The following TTLL9 variants were observed in gnomAD, a reference collection of about 807,000 sequenced individuals.
TTLL9 encodes the protein tubulin tyrosine ligase like 9, also known as probable tubulin polyglutamylase TTLL9.
A neutral mutation model predicts 65.6 loss-of-function variants in TTLL9; 47 were observed. The ratio of observed to expected loss-of-function variants is 0.72; its 90% CI spans 0.57 to 0.91. TTLL9 has a LOEUF of 0.91. Ranked by LOEUF, TTLL9 falls within the 40% of genes least tolerant of loss-of-function variation. TTLL9 has a pLI of 0.00. For synonymous variants in TTLL9, 179 were observed against 204.8 expected, an observed-to-expected ratio of 0.87 and a Z score of 1.07; for missense variants, 537 against 568.8, an observed-to-expected ratio of 0.94 and a Z score of 0.57.
At chr20:31,900,525 A>G (rs1030624295) in intron 4 of TTLL9, among the ~76,000 whole-genome samples, 3 of 152,198 alleles carry the variant, frequency 2.0e-5, no homozygotes, top group African/African-American at 7.2e-5. Context: ...TCATCCCATG[A>G]AAAATTAGGA....
At chr20:31,909,431 T>C (rs2063611034) in intron 5 of TTLL9, among the ~76,000 whole-genome samples, 1 of 152,132 alleles carries the variant, frequency 6.6e-6, no homozygotes, top group Non-Finnish European at 1.5e-5. Flanking sequence ...CGTGAGCCAC[T>C]GCGCCCGGCC....
At chr20:31,876,913 A>G (rs1471428048) in intron 2 of TTLL9, among the ~76,000 whole-genome samples, 1 of 152,056 alleles carries the variant, frequency 6.6e-6, no homozygotes, top group East Asian at 1.9e-4. Flanking sequence ...AAACATTGAC[A>G]TATTTTATTT....
intron 10 of TTLL9, among the ~76,000 whole-genome samples, chr20:31,932,471 C>CAAAAAAAAAA (rs58783829): frequency 3.5e-5 from 3 of 86,472 alleles, no homozygotes; most frequent in African/African-American, 5.6e-5. Context: ...GACCCTGTCT[C>CAAAAAAAAAA]AAAAAAAAAA....
intron 3 of TTLL9, among the ~76,000 whole-genome samples, chr20:31,888,324 A>AT (rs2063229214): frequency 6.6e-6 from 1 of 152,004 alleles, no homozygotes; most frequent in Admixed American, 6.5e-5. Flanking sequence ...CCAACTTCAA[A>AT]TCTCTCACTC....
At chr20:31,873,084 G>A (rs1326351875) in intron 2 of TTLL9, 1 of 506,124 alleles carries the variant, frequency 2.0e-6, no homozygotes, top group East Asian at 5.5e-5. Context: ...GACCCGAGAA[G>A]CTGGAAAGAA....
intron 4 of TTLL9, among the ~76,000 whole-genome samples, chr20:31,907,557 A>G (rs1204074411): frequency 6.6e-6 from 1 of 152,090 alleles, no homozygotes; most frequent in East Asian, 1.9e-4. Flanking sequence ...CCCCATCTCT[A>G]CTAAAAATAA....
At chr20:31,928,320 T>C (rs2063944492) in intron 10 of TTLL9, among the ~76,000 whole-genome samples, 1 of 152,208 alleles carries the variant, frequency 6.6e-6, no homozygotes, top group Admixed American at 6.5e-5. Context: ...TCTTGAAATA[T>C]TAATAGAAAA....
chr20:31,931,105 A>C (rs1374481061), intron 10 of TTLL9, among the ~76,000 whole-genome samples: 1 of 139,194 alleles, frequency 7.2e-6, no homozygotes, highest in Non-Finnish European at 1.5e-5. Context: ...TTCAAGACAG[A>C]GTCTTGCTCT....
At chr20:31,879,393 A>G (rs1484969717) in intron 2 of TTLL9, among the ~76,000 whole-genome samples, 1 of 152,224 alleles carries the variant, frequency 6.6e-6, no homozygotes, top group African/African-American at 2.4e-5. Flanking sequence ...ACAACATCTA[A>G]TGTTGGTGAG....
At chr20:31,925,137 T>A in intron 9 of TTLL9, 88 bp downstream of exon 9, 1 of 1,345,232 alleles carries the variant, frequency 7.4e-7, no homozygotes, top group Non-Finnish European at 1.0e-6. Context: ...TGGGGGTACC[T>A]TGTGTGAGCT....
rs1352666575 is a variant in TTLL9, at chr20:31,938,108, C to T, written c.1118+599C>T. The T allele has an allele frequency of 2.1e-4, 68 of 319,792 alleles. 1 individual carries two copies. The highest frequency in any genetic ancestry group is 4.2e-4 in the Non-Finnish European group (68 of 160,952). 19.8% of individuals were successfully genotyped at this position (319,792 alleles called of 1,614,324 possible). A position where few individuals can be genotyped will look rare whatever the true frequency, so the allele number is the denominator to read the frequency against. ...CCTCCCTCCCTCTCCCTCTCCCTCT[C>T]CCTCCCTCCCTCTCCCTCTCCCTCC... On this transcript the variant is annotated intron_variant, in intron 13 of 14. Coordinates refer to ENST00000535842, the MANE Select transcript of TTLL9 (RefSeq NM_001008409.5).
chr20:31,873,821 G>GAAGAAAGAAAGAAAGAAAGAAAAAGA lies in TTLL9; in HGVS notation c.69+2648_69+2649insAAGAAAGAAAGAAAGAAAGAAAGAAA, dbSNP rs1180221403. ...GGAAGGAAGGAAGGAAGGAAGGAAG[G>GAAGAAAGAAAGAAAGAAAGAAAAAGA]AAGAAAGAAAGAAAGAAAGAAAGAA... On this transcript the variant is annotated intron_variant, in intron 2 of 14. Coordinates refer to ENST00000535842, the MANE Select transcript of TTLL9 (RefSeq NM_001008409.5). Among the ~76,000 whole-genome samples the GAAGAAAGAAAGAAAGAAAGAAAAAGA allele has an allele frequency of 2.3e-3, 223 of 96,066 alleles. 2 individuals carry two copies. The highest frequency in any genetic ancestry group is 8.1e-3 in the African/African-American group (201 of 24,848). 63.0% of individuals were successfully genotyped at this position (96,066 alleles called of 152,430 possible).
intron 6 of TTLL9, among the ~76,000 whole-genome samples, chr20:31,915,796 C>T (rs558995301): frequency 2.6e-5 from 4 of 151,900 alleles, no homozygotes; most frequent in South Asian, 2.1e-4. Context: ...GTATAAATCA[C>T]GGTGTCTGGC....
intron 10 of TTLL9, among the ~76,000 whole-genome samples, chr20:31,928,443 C>T (rs1178835570): frequency 6.6e-6 from 1 of 151,770 alleles, no homozygotes; most frequent in Non-Finnish European, 1.5e-5. Flanking sequence ...TACATACTAA[C>T]TTTTAAAATA....
intron 4 of TTLL9, among the ~76,000 whole-genome samples, chr20:31,899,104 A>T (rs6089110): frequency 0.15 from 22,515 of 152,296 alleles, 1,967 homozygotes; most frequent in Non-Finnish European, 0.19. Flanking sequence ...GATGTATGCA[A>T]TGGAAACCCA....
intron 8 of TTLL9, among the ~76,000 whole-genome samples, chr20:31,924,237 A>C (rs1600602787): frequency 6.7e-6 from 1 of 149,234 alleles, no homozygotes. Context: ...TGCCCACTTC[A>C]CTCCACCCCA....
intron 2 of TTLL9, among the ~76,000 whole-genome samples, chr20:31,884,947 A>T (rs1372414257): frequency 2.0e-5 from 3 of 152,242 alleles, no homozygotes; most frequent in African/African-American, 4.8e-5. Context: ...AACGAAATTT[A>T]AAAATACTGT....
intron 14 of TTLL9, 145 bp from the exon 15 acceptor site, chr20:31,942,800 G>A: frequency 1.3e-6 from 1 of 758,838 alleles, no homozygotes; most frequent in South Asian, 1.6e-5. Flanking sequence ...TGGCAGTTTA[G>A]GAATGGAGCC....
chr20:31,918,205 G>C (rs1006780211), intron 6 of TTLL9, among the ~76,000 whole-genome samples: 1 of 149,746 alleles, frequency 6.7e-6, no homozygotes, highest in African/African-American at 2.5e-5. Context: ...CTGTCTGCTT[G>C]TAGTTAGAAG....
Sources: gnomAD v4.1 joint callset for allele counts (sites outside exome capture counted in the v4.1 genomes callset) on GRCh38, gnomAD v4.1.1 for gene constraint, MANE v1.5 for transcripts, NCBI Gene and HGNC (gene_info 2026-07-23, HGNC 2026-07-21) for gene names.